The following BRWD3 variants were observed in gnomAD, a reference collection of about 807,000 sequenced individuals.
The protein encoded by BRWD3 is bromodomain and WD repeat domain containing 3.
Under a neutral mutation model 149.7 loss-of-function variants are expected in BRWD3, and 10 were observed. The ratio of observed to expected loss-of-function variants is 0.07; its 90% confidence interval spans 0.04 to 0.11. The LOEUF is 0.11. BRWD3 is among the 10% of genes least tolerant of loss of function. The pLI, the probability that BRWD3 is intolerant of heterozygous loss-of-function variation, is 1.00. For synonymous variants in BRWD3, 504 were observed against 456.7 expected, an observed-to-expected ratio of 1.10 and a Z score of -1.32; for missense variants, 940 against 1,373.2, an observed-to-expected ratio of 0.68 and a Z score of 4.99.
Position 80,676,899 on chromosome X carries a change from T to C in BRWD3, c.5119A>G (p.Arg1707Gly). The part of the protein sequence containing the change: ...RGRGGGGTRG[R>G]GRGRGGRGAS... ...CCTCTTCCTCCTCTCCCTCTTCCCCTCCCCCTAGTGCCACCTCCACCTCTT... is the reference window on the plus strand; with the variant it reads ...CCTCTTCCTCCTCTCCCTCTTCCCCCCCCCCTAGTGCCACCTCCACCTCTT... The change falls in exon 41 of 41, where the codon AGG becomes GGG. Residue 1707 changes from arginine (R) to glycine (G), a missense_variant. Arg to Gly is a moderately radical substitution (Grantham distance 125, BLOSUM62 -2). This residue lies in a region of BRWD3 where 349 missense variants were observed against 419.6 expected (regional missense o/e 0.83). Coordinates refer to ENST00000373275, the MANE Select transcript of BRWD3 (RefSeq NM_153252.5). The C allele has an allele frequency of 8.3e-7, 1 of 1,206,852 alleles. No individual in the cohort carries two copies.
At position 80,721,315 on chromosome X, in the gene BRWD3, C is replaced by CT. The variant is rs757482190; in HGVS notation, c.1876+1246dup. Among the ~76,000 whole-genome samples, 216 of 111,850 alleles carry CT rather than the reference C, an allele frequency of 1.9e-3. 2 individuals carry two copies. In the Middle Eastern group the frequency reaches 0.028, roughly 14 times the overall value. ...ATAAATTAGACTTTCTTATTCATTTCTTTTCAAGTTTATCTCCCATTTAAT... is the reference window on the plus strand; with the variant it reads ...ATAAATTAGACTTTCTTATTCATTTCTTTTTCAAGTTTATCTCCCATTTAAT... On this transcript the variant is annotated intron_variant, in intron 17 of 40. Coordinates refer to ENST00000373275, the MANE Select transcript of BRWD3 (RefSeq NM_153252.5).
intron 20 of BRWD3, 133 bp from the exon 21 acceptor site, chrX:80,709,710 A>G: frequency 1.9e-6 from 1 of 530,133 alleles, no homozygotes; most frequent in Non-Finnish European, 3.0e-6. Context: ...AATAAAGTCA[A>G]CATAGAACTA....
At position 80,707,996 on chromosome X, in the gene BRWD3, T is replaced by C. The variant is rs143292097; in HGVS notation, c.2476-493A>G. ...CACTGCCTTATACTCTAGCATTAGT[T>C]TGATGCACAATATGACCAAAAAAAC... On this transcript the variant is annotated intron_variant, in intron 21 of 40. Coordinates refer to ENST00000373275, the MANE Select transcript of BRWD3 (RefSeq NM_153252.5). 3.7e-4 allele frequency among the ~76,000 whole-genome samples: 41 copies of C among 112,267 alleles called. 1 individual carries two copies. The East Asian group carries it at 0.011, about 31-fold the overall frequency.
chrX:80,801,380 C>T (rs931319489), intron 4 of BRWD3, among the ~76,000 whole-genome samples: 6 of 106,623 alleles, frequency 5.6e-5, no homozygotes. Flanking sequence ...GCCACCGCGC[C>T]TAATTTTTTG....
chrX:80,739,491 T>A (rs2073452749), intron 8 of BRWD3, among the ~76,000 whole-genome samples: 1 of 111,428 alleles, frequency 9.0e-6, no homozygotes, highest in Admixed American at 9.6e-5. Flanking sequence ...TTCAAAACCA[T>A]GAGATGACTA....
At chrX:80,712,431 G>A (rs1226693366) in intron 20 of BRWD3, among the ~76,000 whole-genome samples, 7 of 110,880 alleles carry the variant, frequency 6.3e-5, no homozygotes, top group Middle Eastern at 9.3e-3. Flanking sequence ...GATTGCAGAC[G>A]GAGTCTCGTT....
chrX:80,785,394 T>C (rs1389425538), intron 6 of BRWD3, among the ~76,000 whole-genome samples: 1 of 112,200 alleles, frequency 8.9e-6, no homozygotes, highest in East Asian at 2.8e-4. Context: ...AATTCACCCT[T>C]GGTAAATGTA....
At chrX:80,707,948 C>G (rs1040676753) in intron 21 of BRWD3, among the ~76,000 whole-genome samples, 1 of 111,849 alleles carries the variant, frequency 8.9e-6, no homozygotes, top group African/African-American at 3.3e-5. Flanking sequence ...TAACTCACTT[C>G]CTATTTTATC....
At chrX:80,686,288 T>G (rs2072522375) in intron 35 of BRWD3, among the ~76,000 whole-genome samples, 1 of 98,634 alleles carries the variant, frequency 1.0e-5, no homozygotes, top group Non-Finnish European at 2.0e-5. Context: ...GGGGGAGGGA[T>G]AGCATTAGGA....
At chrX:80,689,479 T>C (rs2072582365) in intron 33 of BRWD3, among the ~76,000 whole-genome samples, 1 of 111,803 alleles carries the variant, frequency 8.9e-6, no homozygotes. Flanking sequence ...TTTTAAAATA[T>C]TGAGCACTTG....
chrX:80,806,151 T>C lies in BRWD3; in HGVS notation c.180+2388A>G, dbSNP rs185759835. Among the ~76,000 whole-genome samples the C allele has an allele frequency of 4.4e-3, 490 of 111,281 alleles. 4 individuals are homozygous for C. The highest frequency in any genetic ancestry group is 6.6e-3 in the Non-Finnish European group (348 of 53,054). ...CTGCCCATCTTCTCTTACAAAGAAG[T>C]CCATAGGTAGAGAACAGACATGTAA... On this transcript the variant is annotated intron_variant, in intron 4 of 40. Coordinates refer to ENST00000373275, the MANE Select transcript of BRWD3 (RefSeq NM_153252.5).
At chrX:80,769,472 C>T (rs915965351) in intron 6 of BRWD3, among the ~76,000 whole-genome samples, 1 of 111,676 alleles carries the variant, frequency 9.0e-6, no homozygotes, top group Non-Finnish European at 1.9e-5. Flanking sequence ...GGAAACTGAA[C>T]AACCTGCTGC....
chrX:80,773,492 ATATCT>A (rs1432103035), intron 6 of BRWD3, among the ~76,000 whole-genome samples: 1 of 111,890 alleles, frequency 8.9e-6, no homozygotes, highest in Non-Finnish European at 1.9e-5. Flanking sequence ...TTACTATGGT[ATATCT>A]TATATTAGTT....
chrX:80,677,155 A>C lies in BRWD3; in HGVS notation c.4863T>G (p.Ser1621=). ...SSLSSESTCG[S]DSDSESTSRT... ...TGGAAGTTGATTCAGAGTCAGAGTC[A>C]GAACCACAGGTACTTTCAGAACTTA... is the stretch of plus-strand genomic sequence containing the variant. Residue 1621 remains serine, a synonymous_variant, in exon 41 of 41, where the codon TCT becomes TCG. Transcript: ENST00000373275. The C allele has an allele frequency of 8.3e-7, 1 of 1,212,074 alleles. No individual in the cohort carries two copies. Among genetic ancestry groups the C allele is most frequent in the African/African-American group, 1.7e-5 (1 of 57,944 alleles).
Position 80,671,108 on chromosome X carries a change from A to G in BRWD3, c.*5501T>C, listed in dbSNP as rs778752032. ...CATTTACAATGTAGGTAATCTTACTATACATTTTAAAATGTCAGGTACATA... is the reference window on the plus strand; with the variant it reads ...CATTTACAATGTAGGTAATCTTACTGTACATTTTAAAATGTCAGGTACATA... On this transcript the variant is annotated 3_prime_UTR_variant, in exon 41 of 41. Transcript: ENST00000373275. The G allele has an allele frequency of 3.1e-4, 35 of 111,572 alleles. No homozygotes were observed. Among genetic ancestry groups the G allele is most frequent in the African/African-American group, 1.1e-3 (34 of 30,745 alleles). The allele number at this position is 111,572 out of a possible 1,213,427, so 9.2% of individuals were successfully genotyped here. A position where few individuals can be genotyped will look rare whatever the true frequency, so the allele number is the denominator to read the frequency against.
At position 80,670,339 on chromosome X, in the gene BRWD3, AT is replaced by A. The variant is rs769849363; in HGVS notation, c.*6269del. On this transcript the variant is annotated 3_prime_UTR_variant, in exon 41 of 41. Transcript: ENST00000373275. ...AAAGATCAACTCACAGGCTCAATAT[AT>A]TGGTTTTATTTTGCACATTTTGGTA... Among the ~76,000 whole-genome samples, 2 of 111,424 alleles carry A rather than the reference AT, an allele frequency of 1.8e-5. No individual in the cohort carries two copies. The highest frequency in any genetic ancestry group is 7.5e-4 in the South Asian group (2 of 2,674).
intron 6 of BRWD3, among the ~76,000 whole-genome samples, chrX:80,756,166 A>G (rs1330350304): frequency 1.8e-5 from 2 of 110,957 alleles, no homozygotes; most frequent in Admixed American, 9.7e-5. Context: ...AATGATATCT[A>G]TATATTTTTT....
At chrX:80,708,394 C>CTT (rs749740989) in intron 21 of BRWD3, among the ~76,000 whole-genome samples, 1 of 53,459 alleles carries the variant, frequency 1.9e-5, no homozygotes, top group Non-Finnish European at 3.4e-5. Context: ...AGACTCTTGT[C>CTT]TTTTTTTTTT....
intron 4 of BRWD3, among the ~76,000 whole-genome samples, chrX:80,802,520 A>G: frequency 9.2e-6 from 1 of 109,013 alleles, no homozygotes; most frequent in East Asian, 2.9e-4. Context: ...AGAAAATATA[A>G]CATCTGGGGT....
Sources: allele counts gnomAD v4.1 joint callset (sites outside exome capture counted in the v4.1 genomes callset), GRCh38; gene constraint gnomAD v4.1.1; regional missense constraint gnomAD v4.1.1; transcripts MANE v1.5; gene names NCBI Gene and HGNC (gene_info 2026-07-23, HGNC 2026-07-21).